Variants in ARMC1 observed in about 807,000 individuals in gnomAD.
The protein encoded by ARMC1 is armadillo repeat-containing protein 1.
ARMC1 carries 16 observed loss-of-function variants against 31.4 expected under a neutral mutation model. That is an observed-to-expected ratio of 0.51 (90% CI 0.34 to 0.77). ARMC1 has a LOEUF of 0.77. ARMC1 is among the 30% of genes least tolerant of loss of function. The pLI is 0.01. For synonymous variants in ARMC1, 114 were observed against 118.9 expected, an observed-to-expected ratio of 0.96 and a Z score of 0.27; for missense variants, 259 against 347.5, an observed-to-expected ratio of 0.75 and a Z score of 2.02.
At chr8:65,618,051 G>A (rs887374900) in intron 3 of ARMC1, among the ~76,000 whole-genome samples, 15 of 152,000 alleles carry the variant, frequency 9.9e-5, no homozygotes, top group African/African-American at 3.6e-4. Flanking sequence ...GAGTAGCTGG[G>A]ATTACAGGTA....
At chr8:65,631,883 TAA>T (rs61273646) in intron 1 of ARMC1, among the ~76,000 whole-genome samples, 486 of 139,996 alleles carry the variant, frequency 3.5e-3, no homozygotes, top group African/African-American at 3.6e-3. Flanking sequence ...CCCTGTCTCT[TAA>T]AAAAAAAAAA....
chr8:65,615,368 G>C (rs1417621804), intron 3 of ARMC1, among the ~76,000 whole-genome samples: 1 of 146,866 alleles, frequency 6.8e-6, no homozygotes, highest in Non-Finnish European at 1.5e-5. Context: ...AGCATGAAGA[G>C]ACAATGATTA....
intron 3 of ARMC1, among the ~76,000 whole-genome samples, chr8:65,621,820 T>A (rs117950402): frequency 1.3e-5 from 2 of 152,218 alleles, no homozygotes; most frequent in Non-Finnish European, 2.9e-5. Flanking sequence ...GTATGAAATA[T>A]TAAATGCCTC....
At chr8:65,609,843 G>A (rs1337368193) in intron 4 of ARMC1, among the ~76,000 whole-genome samples, 1 of 114,648 alleles carries the variant, frequency 8.7e-6, no homozygotes, top group Non-Finnish European at 1.7e-5. Flanking sequence ...GGGGGACAGA[G>A]CAAGACTCTG....
intron 1 of ARMC1, among the ~76,000 whole-genome samples, chr8:65,633,393 G>A (rs776283122): frequency 6.6e-6 from 1 of 152,148 alleles, no homozygotes; most frequent in Non-Finnish European, 1.5e-5. Context: ...AATCCTCAGC[G>A]GTTATCAGAT....
intron 1 of ARMC1, among the ~76,000 whole-genome samples, chr8:65,632,692 T>G (rs1205739509): frequency 6.6e-6 from 1 of 151,824 alleles, no homozygotes; most frequent in Non-Finnish European, 1.5e-5. Context: ...ATCCCAGCAC[T>G]TCGGGAGGCC....
intron 2 of ARMC1, among the ~76,000 whole-genome samples, chr8:65,626,800 C>T (rs1808520008): frequency 6.6e-6 from 1 of 152,102 alleles, no homozygotes; most frequent in African/African-American, 2.4e-5. Context: ...GTGGAAGGAT[C>T]ACTTGAGCTC....
intron 4 of ARMC1, among the ~76,000 whole-genome samples, chr8:65,608,148 T>C (rs1003688303): frequency 6.6e-6 from 1 of 152,238 alleles, no homozygotes; most frequent in Non-Finnish European, 1.5e-5. Flanking sequence ...GATATTATAC[T>C]AAAATATTTC....
chr8:65,619,514 G>A (rs554776085), intron 3 of ARMC1, among the ~76,000 whole-genome samples: 49 of 152,150 alleles, frequency 3.2e-4, no homozygotes, highest in African/African-American at 1.2e-3. Flanking sequence ...ACTCAAGCCT[G>A]GGTGAGAGTG....
intron 2 of ARMC1, among the ~76,000 whole-genome samples, chr8:65,625,886 AC>A (rs1237626556): frequency 1.3e-5 from 2 of 150,620 alleles, no homozygotes; most frequent in African/African-American, 4.9e-5. Flanking sequence ...TTTTTTAACA[AC>A]TTTTTTTTTT....
intron 2 of ARMC1, among the ~76,000 whole-genome samples, chr8:65,626,529 C>A (rs754266577): frequency 1.3e-5 from 2 of 151,332 alleles, no homozygotes; most frequent in Admixed American, 6.6e-5. Context: ...ATACTAAAAT[C>A]ACTTAATTGT....
At chr8:65,628,494 G>A (rs941039813) in intron 1 of ARMC1, among the ~76,000 whole-genome samples, 12 of 140,096 alleles carry the variant, frequency 8.6e-5, no homozygotes, top group Non-Finnish European at 1.4e-4. Flanking sequence ...TGATCTGCCC[G>A]CCTTGGCCTC....
At chr8:65,626,050 G>A (rs947209803) in intron 2 of ARMC1, among the ~76,000 whole-genome samples, 7 of 152,016 alleles carry the variant, frequency 4.6e-5, no homozygotes, top group East Asian at 1.9e-4. Flanking sequence ...CACCACGCCC[G>A]GCTAATTGTT....
intron 4 of ARMC1, among the ~76,000 whole-genome samples, chr8:65,608,047 T>A (rs1808041072): frequency 6.6e-6 from 1 of 152,210 alleles, no homozygotes; most frequent in African/African-American, 2.4e-5. Flanking sequence ...ACTGGATTTT[T>A]AAAATATTTT....
At chr8:65,625,767 A>G (rs1210685423) in intron 2 of ARMC1, among the ~76,000 whole-genome samples, 2 of 152,216 alleles carry the variant, frequency 1.3e-5, no homozygotes, top group Non-Finnish European at 2.9e-5. Flanking sequence ...TTTTTTCCAA[A>G]AGGAAAAGTC....
At chr8:65,605,169 T>C (rs774976278) in intron 6 of ARMC1, 94 bp downstream of exon 6, 37 of 1,001,192 alleles carry the variant, frequency 3.7e-5, no homozygotes, top group Admixed American at 2.0e-4. Context: ...CTTACATACT[T>C]GGCACTATTA....
chr8:65,614,034 G>A (rs1015206853), intron 3 of ARMC1, among the ~76,000 whole-genome samples: 1 of 151,488 alleles, frequency 6.6e-6, no homozygotes, highest in Non-Finnish European at 1.5e-5. Context: ...GTTGTAACAT[G>A]TTCCTGTATT....
At chr8:65,604,709 T>G (rs2129040544) in intron 6 of ARMC1, 124 bp from the exon 7 acceptor site, 3 of 750,138 alleles carry the variant, frequency 4.0e-6, no homozygotes. Flanking sequence ...GAGCACTGTG[T>G]CAATACAGAA....
chr8:65,631,961 C>G (rs1051323319), intron 1 of ARMC1, among the ~76,000 whole-genome samples: 3 of 151,922 alleles, frequency 2.0e-5, no homozygotes, highest in African/African-American at 7.3e-5. Context: ...TCAGTCTATC[C>G]TACCCACTAT....
Sources: allele counts gnomAD v4.1 joint callset (sites outside exome capture counted in the v4.1 genomes callset), GRCh38; gene constraint gnomAD v4.1.1; transcripts MANE v1.5; gene names NCBI Gene and HGNC (gene_info 2026-07-23, HGNC 2026-07-21).